KIRREL3: variants seen among roughly 807,000 people sequenced by gnomAD.
KIRREL3 encodes kin of IRRE-like protein 3.
KIRREL3 carries 36 observed loss-of-function variants against 89.7 expected under a neutral mutation model. The observed-to-expected ratio is 0.40, with a 90% CI of 0.31 to 0.53. The LOEUF is 0.53. Among genes scored for constraint, KIRREL3 ranks in the 20% least tolerant of loss-of-function variants. The pLI is 0.49. For synonymous variants in KIRREL3, 445 were observed against 441.4 expected, an observed-to-expected ratio of 1.01 and a Z score of -0.10; for missense variants, 864 against 1,056.6, an observed-to-expected ratio of 0.82 and a Z score of 2.53.
Position 126,685,659 on chromosome 11 carries a change from T to C in KIRREL3, c.56-122747A>G, listed in dbSNP as rs1591958035. Reference sequence around the variant, plus strand: ...TAACAGATAAACCTTAATTAAAACATTCCAAAATACCATGGCTGAGTTAAA... The same window carrying C: ...TAACAGATAAACCTTAATTAAAACACTCCAAAATACCATGGCTGAGTTAAA... On this transcript the variant is annotated intron_variant, in intron 1 of 16. Coordinates refer to ENST00000525144, the MANE Select transcript of KIRREL3 (RefSeq NM_032531.4). This position sits in a 1 kb window ranked among gnomAD's most constrained non-coding sequence, Gnocchi z 5.5. Among the ~76,000 whole-genome samples, 1 of 152,234 alleles carries C rather than the reference T, an allele frequency of 6.6e-6. No individual in the cohort carries two copies. The highest frequency in any genetic ancestry group is 1.5e-5 in the Non-Finnish European group (1 of 68,044).
intron 1 of KIRREL3, among the ~76,000 whole-genome samples, chr11:126,848,132 G>A (rs1438930760): frequency 2.6e-5 from 4 of 152,174 alleles, no homozygotes; most frequent in African/African-American, 7.2e-5. Flanking sequence ...CTCAACAGGA[G>A]AGTAACTTAC....
chr11:126,902,406 C>T (rs1043910319), intron 1 of KIRREL3, among the ~76,000 whole-genome samples: 5 of 152,164 alleles, frequency 3.3e-5, no homozygotes, highest in African/African-American at 1.2e-4. Flanking sequence ...GAAATATGTG[C>T]ATGCACACAC....
intron 1 of KIRREL3, among the ~76,000 whole-genome samples, chr11:126,707,764 A>G (rs532323421): frequency 6.6e-6 from 1 of 151,032 alleles, no homozygotes; most frequent in Non-Finnish European, 1.5e-5. Context: ...TCCCTGGGTC[A>G]TTTCTCCCAG....
At chr11:126,511,047 CTGTGTG>C (rs55885385) in intron 4 of KIRREL3, among the ~76,000 whole-genome samples, 1 of 142,264 alleles carries the variant, frequency 7.0e-6, no homozygotes, top group Non-Finnish European at 1.5e-5. Flanking sequence ...ATCTGCAGTG[CTGTGTG>C]TGTGTGTGTG....
At chr11:126,880,167 G>A (rs907906247) in intron 1 of KIRREL3, among the ~76,000 whole-genome samples, 1 of 152,180 alleles carries the variant, frequency 6.6e-6, no homozygotes, top group African/African-American at 2.4e-5. Context: ...GCGGCTGTAA[G>A]TGTTTGCTCA....
rs1940776426 is a variant in KIRREL3 at position 126,569,622 on chromosome 11, A to G, written c.56-6710T>C. ...GGTAACTAAAAGTCAGAGACAGGTA[A>G]TAGTTCGGTAAAGAAAGTCTTGAGG... On this transcript the variant is annotated intron_variant, in intron 1 of 16. Transcript: ENST00000525144. This position sits in a 1 kb window ranked among gnomAD's most constrained non-coding sequence, Gnocchi z 6.5. Among the ~76,000 whole-genome samples, 1 of 152,246 alleles carries G rather than the reference A, an allele frequency of 6.6e-6. No individual in the cohort carries two copies. Among genetic ancestry groups the G allele is most frequent in the African/African-American group, 2.4e-5 (1 of 41,468 alleles).
chr11:126,450,647 G>A (rs967227917), intron 7 of KIRREL3, among the ~76,000 whole-genome samples: 3 of 130,896 alleles, frequency 2.3e-5, no homozygotes, highest in African/African-American at 4.5e-5. Flanking sequence ...GCATGTGCAC[G>A]TGTGTGTGCA....
At chr11:126,856,595 A>G (rs1290052225) in intron 1 of KIRREL3, among the ~76,000 whole-genome samples, 1 of 125,720 alleles carries the variant, frequency 8.0e-6, no homozygotes, top group Admixed American at 8.6e-5. Flanking sequence ...ATATATATAT[A>G]TGTATATATA....
intron 1 of KIRREL3, among the ~76,000 whole-genome samples, chr11:126,787,512 G>C (rs541140147): frequency 2.0e-5 from 3 of 152,204 alleles, no homozygotes; most frequent in African/African-American, 7.2e-5. Context: ...AACTTTTCAT[G>C]CAAACTTCTG....
intron 1 of KIRREL3, among the ~76,000 whole-genome samples, chr11:126,827,575 T>G (rs191409991): frequency 6.6e-6 from 1 of 152,330 alleles, no homozygotes; most frequent in Admixed American, 6.5e-5. Context: ...TAATGCACTT[T>G]CGAGGATATT....
At chr11:126,596,156 T>C (rs1427730970) in intron 1 of KIRREL3, among the ~76,000 whole-genome samples, 1 of 152,138 alleles carries the variant, frequency 6.6e-6, no homozygotes, top group Non-Finnish European at 1.5e-5. Flanking sequence ...TGTTCACCAA[T>C]CTCGAGAGTC....
rs1945506538 is a variant in KIRREL3 at position 126,663,282 on chromosome 11, G to T, written c.56-100370C>A. ...TTCACCGCAAACTCTGCCTCCCGGG[G>T]TCAAGTGATTCTCCTGCCTCAGCCT... On this transcript the variant is annotated intron_variant, in intron 1 of 16. Transcript: ENST00000525144. Among the ~76,000 whole-genome samples the T allele has an allele frequency of 2.0e-5, 3 of 149,576 alleles. No homozygotes were observed. The Admixed American group carries it at 2.0e-4, about 10-fold the overall frequency.
Position 126,530,633 on chromosome 11 carries a change from A to G in KIRREL3, c.134-3946T>C, listed in dbSNP as rs893801412. Among the ~76,000 whole-genome samples the G allele has an allele frequency of 5.3e-5, 8 of 151,780 alleles. No homozygotes were observed. Among genetic ancestry groups the G allele is most frequent in the Non-Finnish European group, 1.2e-4 (8 of 67,948 alleles). ...CTCGCAGCTGTGCCCCCTCCCCATC[A>G]CACCTGGGCGTCTCAGATGGAGCAC... On this transcript the variant is annotated intron_variant, in intron 2 of 16. Transcript: ENST00000525144. This position sits in a 1 kb window ranked among gnomAD's most constrained non-coding sequence, Gnocchi z 5.8.
At chr11:126,874,078 A>G (rs758683797) in intron 1 of KIRREL3, among the ~76,000 whole-genome samples, 1 of 152,210 alleles carries the variant, frequency 6.6e-6, no homozygotes, top group Non-Finnish European at 1.5e-5. Flanking sequence ...AAAGGCACCT[A>G]TCCCCAACCG....
intron 4 of KIRREL3, among the ~76,000 whole-genome samples, chr11:126,510,020 A>G (rs1199762391): frequency 6.9e-6 from 1 of 145,244 alleles, no homozygotes; most frequent in Non-Finnish European, 1.5e-5. Context: ...AAAAAAAAAG[A>G]AAAAAGAAAA....
At chr11:126,941,164 A>G (rs776967247) in intron 1 of KIRREL3, among the ~76,000 whole-genome samples, 1 of 152,168 alleles carries the variant, frequency 6.6e-6, no homozygotes. Flanking sequence ...AAAATACTAG[A>G]TCTTACCCAC....
chr11:126,853,634 C>A (rs989979755), intron 1 of KIRREL3, among the ~76,000 whole-genome samples: 1 of 152,154 alleles, frequency 6.6e-6, no homozygotes, highest in African/African-American at 2.4e-5. Context: ...GACAGCTCTT[C>A]ATATTCACCC....
At chr11:126,849,994 C>A (rs1944290196) in intron 1 of KIRREL3, among the ~76,000 whole-genome samples, 1 of 152,190 alleles carries the variant, frequency 6.6e-6, no homozygotes, top group Non-Finnish European at 1.5e-5. Flanking sequence ...ACATTGTATT[C>A]ATTTCACTTT....
At chr11:126,801,700 G>A (rs1173882620) in intron 1 of KIRREL3, among the ~76,000 whole-genome samples, 2 of 152,172 alleles carry the variant, frequency 1.3e-5, no homozygotes, top group Non-Finnish European at 2.9e-5. Flanking sequence ...TAGAAAGTGG[G>A]AAAGGAATAA....
Sources: gnomAD v4.1 joint callset for allele counts (sites outside exome capture counted in the v4.1 genomes callset) on GRCh38, gnomAD v4.1.1 for gene constraint, Gnocchi (gnomAD v3.1) non-coding constraint, MANE v1.5 for transcripts, NCBI Gene and HGNC (gene_info 2026-07-23, HGNC 2026-07-21) for gene names.